MYOF: variants seen among roughly 807,000 people sequenced by gnomAD.
MYOF encodes the protein myoferlin.
MYOF carries 244 observed loss-of-function variants against 284.2 expected under a neutral mutation model. The observed-to-expected ratio is 0.86, with a 90% confidence interval of 0.77 to 0.95. The LOEUF (loss-of-function observed/expected upper bound fraction) is 0.95. Among genes scored for constraint, MYOF ranks in the 40% least tolerant of loss-of-function variants. The pLI, the probability that MYOF is intolerant of heterozygous loss-of-function variation, is 0.00. For missense variants in MYOF, 2,496 were observed against 2,560.6 expected (o/e 0.97, Z 0.54); for synonymous variants, 904 against 919.7 (o/e 0.98, Z 0.31).
At chr10:93,343,080 C>T (rs1844000713) in intron 38 of MYOF, among the ~76,000 whole-genome samples, 1 of 152,024 alleles carries the variant, frequency 6.6e-6, no homozygotes, top group Non-Finnish European at 1.5e-5. Flanking sequence ...TGTTTATGGA[C>T]ATAACATATT....
At chr10:93,382,100 T>A (rs990127145) in intron 19 of MYOF, among the ~76,000 whole-genome samples, 2 of 152,170 alleles carry the variant, frequency 1.3e-5, no homozygotes, top group African/African-American at 4.8e-5. Context: ...TAAAGGCATA[T>A]TCATAAAGAA....
At chr10:93,359,554 T>A (rs1844970755) in intron 29 of MYOF, among the ~76,000 whole-genome samples, 1 of 152,208 alleles carries the variant, frequency 6.6e-6, no homozygotes, top group Non-Finnish European at 1.5e-5. Flanking sequence ...TCTCAACATT[T>A]AGCCTGCCTG....
chr10:93,406,288 T>TTTATATATA (rs1271223936), intron 7 of MYOF, among the ~76,000 whole-genome samples: 1 of 58,128 alleles, frequency 1.7e-5, no homozygotes, highest in African/African-American at 3.9e-5. Context: ...TAAACCTCTT[T>TTTATATATA]TATATATATA....
chr10:93,353,971 T>C lies in MYOF; in HGVS notation c.3404-83A>G, dbSNP rs1844661985. 4.5e-6 allele frequency: 5 copies of C among 1,117,970 alleles called. No homozygotes were observed. In the Admixed American group the frequency reaches 1.0e-4, roughly 23 times the overall value. 69.3% of individuals were successfully genotyped at this position (1,117,970 alleles called of 1,614,324 possible). A position where few individuals can be genotyped will look rare whatever the true frequency, so the allele number is the denominator to read the frequency against. ...TACTGGAATATTTGGAAAAAATACA[T>C]GTTTCTGATAAATGGGTCACTTGAA... On this transcript the variant is annotated intron_variant, in intron 31 of 53. Coordinates refer to ENST00000359263, the MANE Select transcript of MYOF (RefSeq NM_013451.4).
At chr10:93,379,767 C>G in intron 21 of MYOF, 96 bp downstream of exon 21, 1 of 1,475,042 alleles carries the variant, frequency 6.8e-7, no homozygotes, top group South Asian at 1.3e-5. Flanking sequence ...GATCACTGTA[C>G]TAAGCACTTT....
intron 27 of MYOF, among the ~76,000 whole-genome samples, chr10:93,361,986 T>A (rs1845096813): frequency 6.6e-6 from 1 of 152,228 alleles, no homozygotes. Context: ...CCTCGCTCTG[T>A]TGCCCAGGCT....
At chr10:93,320,364 T>G (rs911980665) in intron 48 of MYOF, among the ~76,000 whole-genome samples, 1 of 152,200 alleles carries the variant, frequency 6.6e-6, no homozygotes, top group African/African-American at 2.4e-5. Flanking sequence ...CAACTATAAC[T>G]CATCAGTGTC....
chr10:93,348,836 T>A (rs1342884279), intron 36 of MYOF, among the ~76,000 whole-genome samples: 2 of 152,076 alleles, frequency 1.3e-5, no homozygotes, highest in Admixed American at 1.3e-4. Context: ...AAAGACGAGG[T>A]GTACCAAGTA....
Position 93,447,642 on chromosome 10 carries a change from C to T in MYOF, c.236+4408G>A, listed in dbSNP as rs544830303. 5.3e-5 allele frequency among the ~76,000 whole-genome samples: 8 copies of T among 152,250 alleles called. No individual in the cohort carries two copies. In the South Asian group the frequency reaches 1.5e-3, roughly 28 times the overall value. On this transcript the variant is annotated intron_variant, in intron 3 of 53. Coordinates refer to ENST00000359263, the MANE Select transcript of MYOF (RefSeq NM_013451.4). ...TCCTCGGGGCTGAGAGAATTTTGAG[C>T]GCTAGCTGTCTCTCGTTCGCCAGCT...
At chr10:93,309,969 A>T (rs1289712737) in intron 53 of MYOF, 51 bp downstream of exon 53, 1 of 1,610,410 alleles carries the variant, frequency 6.2e-7, no homozygotes. Flanking sequence ...GGAGAGGACC[A>T]ACTGCAACTC....
At chr10:93,377,505 T>C in intron 21 of MYOF, 76 bp from the exon 22 acceptor site, 1 of 995,984 alleles carries the variant, frequency 1.0e-6, no homozygotes, top group Non-Finnish European at 1.5e-6. Context: ...TAGTTTAACC[T>C]GTGAAATCAT....
chr10:93,440,541 T>G (rs2056217721), intron 3 of MYOF, among the ~76,000 whole-genome samples: 2 of 152,202 alleles, frequency 1.3e-5, no homozygotes, highest in Non-Finnish European at 1.5e-5. Flanking sequence ...TCACCATCTG[T>G]TATGTCATAT....
In MYOF at chr10:93,379,862, C is replaced by G. The variant is rs754333960; in HGVS notation, c.2001+1G>C. 3 of 1,613,440 alleles carry G rather than the reference C, an allele frequency of 1.9e-6. No individual in the cohort carries two copies. The highest frequency in any genetic ancestry group is 2.5e-6 in the Non-Finnish European group (3 of 1,179,494). On this transcript the variant is annotated splice_donor_variant, in intron 21 of 53. Coordinates refer to ENST00000359263, the MANE Select transcript of MYOF (RefSeq NM_013451.4). LOFTEE classifies it high-confidence loss of function. ...GGAAATGCAGAAAAAGAGAAACTTA[C>G]CAGCCGTTCTGCCATAGCTAGGAGA...
chr10:93,351,880 C>T (rs1250312376), intron 32 of MYOF, 34 bp from the exon 33 acceptor site: 12 of 1,549,644 alleles, frequency 7.7e-6, no homozygotes, highest in South Asian at 4.8e-5. Flanking sequence ...AACGGGGCCA[C>T]GGCTAAAATC....
chr10:93,372,984 A>G lies in MYOF; in HGVS notation c.2403T>C (p.Ser801=), dbSNP rs1206147518. 8 of 1,614,212 alleles carry G rather than the reference A, an allele frequency of 5.0e-6. No homozygotes were observed. The highest frequency in any genetic ancestry group is 2.2e-5 in the South Asian group (2 of 91,088). The change falls in exon 24 of 54, where the codon AGT becomes AGC. Residue 801 remains serine, a synonymous_variant. Transcript: ENST00000359263. ...IPAHQVLYST[S]GENASGKYCG... is the part of the protein sequence containing the mutation. ...AGTATTTTCCAGATGCATTCTCACC[A>G]CTGGTGGAGTACAAGACCTGATGTG...
chr10:93,378,746 C>T (rs1254569146), intron 21 of MYOF, among the ~76,000 whole-genome samples: 1 of 121,944 alleles, frequency 8.2e-6, no homozygotes, highest in Non-Finnish European at 1.7e-5. Flanking sequence ...GACAGAGTCT[C>T]AATTTGTCCA....
In MYOF at chr10:93,431,446, G is replaced by C. The variant is rs777277992; in HGVS notation, c.307C>G (p.Leu103Val). 6.2e-7 allele frequency: 1 copy of C among 1,614,062 alleles called. No homozygotes were observed. Among genetic ancestry groups the C allele is most frequent in the East Asian group, 2.2e-5 (1 of 44,862 alleles). ...CCTTTTTCATTTAGCAGGGAGATCA[G>C]CTTGTACGGCAGGGATCTGCTCTGG... ...GDQSRSLPYKLISLLNEKGQD... is the reference protein window; with the variant it reads ...GDQSRSLPYKVISLLNEKGQD... The change falls in exon 4 of 54, where the codon CTG becomes GTG. Residue 103 changes from leucine to valine, a missense_variant. This residue lies in a region of MYOF where 2,436 missense variants were observed against 2,480.7 expected (regional missense o/e 0.98). Coordinates refer to ENST00000359263, the MANE Select transcript of MYOF (RefSeq NM_013451.4).
chr10:93,319,697 C>A (rs1172993911), intron 49 of MYOF, among the ~76,000 whole-genome samples, 175 bp downstream of exon 49: 2 of 151,980 alleles, frequency 1.3e-5, no homozygotes, highest in South Asian at 4.2e-4. Flanking sequence ...ACACAAATAC[C>A]TGTCCTAGCA....
rs577181735 is a variant in MYOF, at chr10:93,377,862, A to G, written c.2002-433T>C. 5.3e-5 allele frequency among the ~76,000 whole-genome samples: 8 copies of G among 152,364 alleles called. No homozygotes were observed. The East Asian group carries it at 1.5e-3, about 29-fold the overall frequency. Reference sequence around the variant, plus strand: ...ACTGTTGGAGAAGAAAGTTAGAGACATAGAAATACAGAGGACTAGGATAAA... The same window carrying G: ...ACTGTTGGAGAAGAAAGTTAGAGACGTAGAAATACAGAGGACTAGGATAAA... On this transcript the variant is annotated intron_variant, in intron 21 of 53. Coordinates refer to ENST00000359263, the MANE Select transcript of MYOF (RefSeq NM_013451.4).
Sources: gnomAD v4.1 joint callset for allele counts (sites outside exome capture counted in the v4.1 genomes callset) on GRCh38, gnomAD v4.1.1 for gene constraint, gnomAD v4.1.1 regional missense constraint, MANE v1.5 for transcripts, NCBI Gene and HGNC (gene_info 2026-07-23, HGNC 2026-07-21) for gene names.